The following NOS1 variants were observed in gnomAD, a reference collection of about 807,000 sequenced individuals.
NOS1 encodes the protein NOS type I.
Under a neutral mutation model 164.5 loss-of-function variants are expected in NOS1, and 51 were observed. That is an observed-to-expected ratio of 0.31 (90% CI 0.25 to 0.39). The LOEUF is 0.39. Ranked by LOEUF, NOS1 falls within the 10% of genes least tolerant of loss-of-function variation. The pLI, the probability that NOS1 is intolerant of heterozygous loss-of-function variation, is 1.00. For synonymous variants in NOS1, 719 were observed against 745.8 expected (o/e 0.96, Z 0.59); for missense variants, 1,362 against 1,885.6 (o/e 0.72, Z 5.14).
At chr12:117,321,298 C>G (rs1874907063) in intron 2 of NOS1, among the ~76,000 whole-genome samples, 1 of 152,220 alleles carries the variant, frequency 6.6e-6, no homozygotes, top group African/African-American at 2.4e-5. Flanking sequence ...GCGTGGGCCA[C>G]CACACCCGGC....
chr12:117,328,567 CT>C (rs1203757859), intron 2 of NOS1, among the ~76,000 whole-genome samples: 2 of 150,908 alleles, frequency 1.3e-5, no homozygotes, highest in Non-Finnish European at 1.5e-5. Context: ...TTTTTTGTTC[CT>C]TTTTTTTTGA....
chr12:117,297,085 T>C (rs1873466653), intron 3 of NOS1, among the ~76,000 whole-genome samples: 4 of 152,364 alleles, frequency 2.6e-5, no homozygotes, highest in Non-Finnish European at 5.9e-5. Flanking sequence ...ACTGTAGAGT[T>C]CCTTAAATGC....
At chr12:117,307,621 C>G (rs1180373066) in intron 3 of NOS1, among the ~76,000 whole-genome samples, 19 of 152,158 alleles carry the variant, frequency 1.2e-4, no homozygotes, top group Admixed American at 1.2e-3. Flanking sequence ...CCTGCCTTGG[C>G]TTCCTAGAGT....
intron 3 of NOS1, among the ~76,000 whole-genome samples, chr12:117,291,277 C>A (rs549782724): frequency 3.9e-4 from 60 of 152,094 alleles, no homozygotes; most frequent in Non-Finnish European, 8.2e-4. Context: ...AATATTGTCC[C>A]CAAATTTCTG....
At chr12:117,276,605 G>T (rs563066151) in intron 9 of NOS1, among the ~76,000 whole-genome samples, 1 of 150,080 alleles carries the variant, frequency 6.7e-6, no homozygotes, top group South Asian at 2.1e-4. Context: ...CCTCTTAACC[G>T]CCCCCATCTT....
intron 1 of NOS1, 42 bp downstream of exon 1, chr12:117,361,470 C>T (rs1256059591): frequency 6.6e-6 from 1 of 151,080 alleles, no homozygotes; most frequent in Non-Finnish European, 1.5e-5. Context: ...TGCGGGCTTC[C>T]CCGGCGCAGT....
In NOS1 at chr12:117,211,049, T is replaced by C. The variant is rs1413823168; in HGVS notation, c.*4260A>G. 1.4e-6 allele frequency: 1 copy of C among 689,718 alleles called. No individual in the cohort carries two copies. The highest frequency in any genetic ancestry group is 2.0e-5 in the African/African-American group (1 of 51,142). 42.7% of individuals were successfully genotyped at this position (689,718 alleles called of 1,614,324 possible). A position where few individuals can be genotyped will look rare whatever the true frequency, so the allele number is the denominator to read the frequency against. ...TTGGCTCACTGCAGCCTCCACCTCC[T>C]GGGCTCAAGCGATCCTCCTTCCTCA... On this transcript the variant is annotated 3_prime_UTR_variant, in exon 29 of 29. Coordinates refer to ENST00000317775, the MANE Select transcript of NOS1 (RefSeq NM_000620.5).
intron 1 of NOS1, among the ~76,000 whole-genome samples, chr12:117,331,956 G>C (rs554441518): frequency 9.9e-5 from 15 of 152,178 alleles, no homozygotes; most frequent in Non-Finnish European, 1.8e-4. Context: ...CCAGTGGAAC[G>C]GGAATGACAC....
Position 117,227,586 on chromosome 12 carries a change from A to G in NOS1, c.3461T>C (p.Val1154Ala), listed in dbSNP as rs1172711780. Residue 1154 changes from valine to alanine, a missense_variant, in exon 23 of 29, where the codon GTG becomes GCG. Physicochemically the swap from Val to Ala is moderately conservative, Grantham distance 64. Coordinates refer to ENST00000317775, the MANE Select transcript of NOS1 (RefSeq NM_000620.5). ...KWGKNPTIVE[V>A]LEEFPSIQMP... ...CTGGATAGATGGGAACTCCTCCAGC[A>G]CCTCCACGATGGTGGGGTTCTTGCC... 9 of 1,613,844 alleles carry G rather than the reference A, an allele frequency of 5.6e-6. No individual in the cohort carries two copies. The highest frequency in any genetic ancestry group is 2.2e-5 in the East Asian group (1 of 44,884).
At chr12:117,296,742 T>C (rs1873444543) in intron 3 of NOS1, among the ~76,000 whole-genome samples, 1 of 152,092 alleles carries the variant, frequency 6.6e-6, no homozygotes, top group Non-Finnish European at 1.5e-5. Context: ...CCCACCCCCA[T>C]GTGATTTTGT....
intron 2 of NOS1, among the ~76,000 whole-genome samples, chr12:117,324,763 G>T (rs944809093): frequency 2.7e-5 from 4 of 146,112 alleles, no homozygotes; most frequent in Non-Finnish European, 5.9e-5. Flanking sequence ...AGTACAGAAG[G>T]TGCTGAAACT....
chr12:117,304,762 A>C (rs1357798686), intron 3 of NOS1, among the ~76,000 whole-genome samples: 4 of 152,204 alleles, frequency 2.6e-5, no homozygotes, highest in Non-Finnish European at 5.9e-5. Flanking sequence ...TGCTAGATAA[A>C]GATTAATGCC....
intron 20 of NOS1, among the ~76,000 whole-genome samples, chr12:117,239,675 G>C (rs148228561): frequency 1.6e-3 from 241 of 151,944 alleles, no homozygotes; most frequent in African/African-American, 5.3e-3. Context: ...AAACAGGAGA[G>C]TCATGCTTTT....
chr12:117,353,369 T>C (rs908778713), intron 1 of NOS1, among the ~76,000 whole-genome samples: 5 of 152,224 alleles, frequency 3.3e-5, no homozygotes, highest in Non-Finnish European at 5.9e-5. Flanking sequence ...ATCTTCACAA[T>C]GAACCATTTT....
At chr12:117,346,969 A>G (rs1876382805) in intron 1 of NOS1, among the ~76,000 whole-genome samples, 1 of 152,130 alleles carries the variant, frequency 6.6e-6, no homozygotes, top group South Asian at 2.1e-4. Context: ...TTTTTCCCCC[A>G]AATTTGTTAT....
intron 6 of NOS1, 110 bp from the exon 7 acceptor site, chr12:117,285,442 A>G (rs554676531): frequency 3.9e-5 from 22 of 559,492 alleles, no homozygotes; most frequent in Non-Finnish European, 6.1e-5. Context: ...CTGCTGCTAC[A>G]TTGGTGAAGT....
intron 7 of NOS1, among the ~76,000 whole-genome samples, chr12:117,282,717 T>G (rs1332236831): frequency 6.6e-6 from 1 of 152,232 alleles, no homozygotes; most frequent in Non-Finnish European, 1.5e-5. Flanking sequence ...GGCGCCATCT[T>G]GGAGATGAAC....
intron 1 of NOS1, among the ~76,000 whole-genome samples, chr12:117,345,841 A>G (rs978271686): frequency 6.6e-6 from 1 of 152,184 alleles, no homozygotes; most frequent in African/African-American, 2.4e-5. Context: ...CCTGGGTGAA[A>G]AAGCAAGACC....
At chr12:117,302,750 T>G (rs1008226558) in intron 3 of NOS1, among the ~76,000 whole-genome samples, 1 of 151,970 alleles carries the variant, frequency 6.6e-6, no homozygotes, top group Non-Finnish European at 1.5e-5. Flanking sequence ...TTTTTAAAAT[T>G]TTTTTATTTT....
Sources: gnomAD v4.1 joint callset for allele counts (sites outside exome capture counted in the v4.1 genomes callset) on GRCh38, gnomAD v4.1.1 for gene constraint, MANE v1.5 for transcripts, NCBI Gene and HGNC (gene_info 2026-07-23, HGNC 2026-07-21) for gene names.